Variants in ALK observed in about 807,000 individuals in gnomAD.
The protein encoded by ALK is ALK receptor tyrosine kinase.
ALK carries 74 observed loss-of-function variants against 163.1 expected under a neutral mutation model. That is an observed-to-expected ratio of 0.45 (90% CI 0.38 to 0.55). The LOEUF (loss-of-function observed/expected upper bound fraction) is 0.55. Ranked by LOEUF, ALK falls within the 20% of genes least tolerant of loss-of-function variation. The pLI is 0.00. For missense variants in ALK, 2,063 were observed against 2,105.3 expected (o/e 0.98, Z 0.39); for synonymous variants, 960 against 843.2 (o/e 1.14, Z -2.40).
At chr2:29,876,698 AGTGATGGTGATGGTG>A (rs1315332274) in intron 1 of ALK, among the ~76,000 whole-genome samples, 3 of 110,194 alleles carry the variant, frequency 2.7e-5, no homozygotes, top group African/African-American at 7.6e-5. Flanking sequence ...TGGTGATGGT[AGTGATGGTGATGGTG>A]GTGATGGTGA....
At chr2:29,787,818 C>A (rs114735472) in intron 1 of ALK, among the ~76,000 whole-genome samples, 1 of 152,134 alleles carries the variant, frequency 6.6e-6, no homozygotes, top group Non-Finnish European at 1.5e-5. Context: ...TACATCCCAA[C>A]CAAATGTCCC....
At chr2:29,508,733 C>CAAAAAAAAAA (rs60719550) in intron 4 of ALK, among the ~76,000 whole-genome samples, 12 of 65,494 alleles carry the variant, frequency 1.8e-4, no homozygotes, top group South Asian at 7.6e-4. Context: ...ATCTGCAACT[C>CAAAAAAAAAA]AAAAAAAAAA....
intron 1 of ALK, among the ~76,000 whole-genome samples, chr2:29,797,783 AT>A (rs535552250): frequency 1.2e-4 from 18 of 150,986 alleles, no homozygotes; most frequent in African/African-American, 2.7e-4. Context: ...ATATTTGTTG[AT>A]TTTTTTTTCA....
intron 4 of ALK, among the ~76,000 whole-genome samples, chr2:29,403,357 G>A (rs1669495717): frequency 6.6e-6 from 1 of 152,110 alleles, no homozygotes; most frequent in Non-Finnish European, 1.5e-5. Context: ...CAGAATATCA[G>A]GAAAGCATTG....
intron 1 of ALK, among the ~76,000 whole-genome samples, chr2:29,811,977 G>A (rs1003378482): frequency 5.3e-5 from 8 of 152,172 alleles, no homozygotes; most frequent in African/African-American, 9.7e-5. Flanking sequence ...CTGAAGGGGT[G>A]AAACACACAT....
chr2:29,372,785 C>T (rs1668668435), intron 5 of ALK, among the ~76,000 whole-genome samples: 2 of 152,100 alleles, frequency 1.3e-5, no homozygotes, highest in Non-Finnish European at 2.9e-5. Context: ...ATCTTTTTGG[C>T]CATTTCACTC....
chr2:29,438,798 C>T lies in ALK; in HGVS notation c.1155-54939G>A, dbSNP rs188294926. ...GGCTGTCTTGCTGGGGTGCTGAGAG[C>T]AAACCTGTCCTCAGGGCCATGAGGG... On this transcript the variant is annotated intron_variant, in intron 4 of 28. Coordinates refer to ENST00000389048, the MANE Select transcript of ALK (RefSeq NM_004304.5). Among the ~76,000 whole-genome samples, 7 of 152,290 alleles carry T rather than the reference C, an allele frequency of 4.6e-5. No individual in the cohort carries two copies. The East Asian group carries it at 1.2e-3, about 25-fold the overall frequency.
At chr2:29,245,595 G>A (rs1430206080) in intron 12 of ALK, among the ~76,000 whole-genome samples, 6 of 135,916 alleles carry the variant, frequency 4.4e-5, no homozygotes, top group Admixed American at 7.4e-5. Context: ...AGGGCTCCAT[G>A]GCTCAGTGCC....
chr2:29,260,590 A>G (rs1400773124), intron 11 of ALK, among the ~76,000 whole-genome samples: 1 of 152,124 alleles, frequency 6.6e-6, no homozygotes, highest in Non-Finnish European at 1.5e-5. Flanking sequence ...TAATCCCAGC[A>G]CTTTGGGAGG....
At chr2:29,725,378 C>G (rs1204092534) in intron 1 of ALK, among the ~76,000 whole-genome samples, 1 of 152,122 alleles carries the variant, frequency 6.6e-6, no homozygotes, top group Non-Finnish European at 1.5e-5. Flanking sequence ...TTTCCTAAAT[C>G]CTACCCCTTC....
chr2:29,806,258 T>C (rs1055546349), intron 1 of ALK, among the ~76,000 whole-genome samples: 1 of 152,194 alleles, frequency 6.6e-6, no homozygotes, highest in Non-Finnish European at 1.5e-5. Context: ...GCATTGGGTC[T>C]GTAATTGCTG....
intron 3 of ALK, among the ~76,000 whole-genome samples, chr2:29,653,962 G>T (rs1677105825): frequency 6.6e-6 from 1 of 152,138 alleles, no homozygotes; most frequent in African/African-American, 2.4e-5. Flanking sequence ...AGGAGGCTGA[G>T]GCATGAGAAT....
In ALK at chr2:29,197,671, A is replaced by C. The variant is rs2148143663; in HGVS notation, c.3944T>G (p.Phe1315Cys). The C allele has an allele frequency of 3.1e-6, 5 of 1,613,738 alleles. No homozygotes were observed. The highest frequency in any genetic ancestry group is 4.2e-6 in the Non-Finnish European group (5 of 1,179,842). The change falls in exon 27 of 29, where the codon TTT becomes TGT. Residue 1315 changes from phenylalanine to cysteine, a missense_variant. Physicochemically the swap from Phe to Cys is radical, Grantham distance 205. Transcript: ENST00000389048. ...IFTSKTDTWS[F>C]GVLLWEIFSL... The stretch of plus-strand genomic sequence containing the variant: ...AAAGATTTCCCATAGCAGCACTCCA[A>C]AGGACCTGGGCATGGGACAGAGGAC...
rs138466350 is a variant in ALK, at chr2:29,827,695, C to A, written c.667+92298G>T. Among the ~76,000 whole-genome samples, 181 of 152,210 alleles carry A rather than the reference C, an allele frequency of 1.2e-3. 1 individual carries two copies. Among genetic ancestry groups the A allele is most frequent in the African/African-American group, 4.2e-3 (173 of 41,530 alleles). ...TGAAAGATGAAGATGGAACATTCCA[C>A]GCTCATGGGTAGGAAGAATCAATAT... On this transcript the variant is annotated intron_variant, in intron 1 of 28. Transcript: ENST00000389048.
chr2:29,799,749 A>T (rs912474790), intron 1 of ALK, among the ~76,000 whole-genome samples: 1 of 152,228 alleles, frequency 6.6e-6, no homozygotes, highest in African/African-American at 2.4e-5. Flanking sequence ...GACAAACAAA[A>T]ATAACAGAAA....
chr2:29,335,975 G>T (rs1034878126), intron 5 of ALK, among the ~76,000 whole-genome samples: 2 of 152,158 alleles, frequency 1.3e-5, no homozygotes, highest in South Asian at 2.1e-4. Flanking sequence ...GGGAGGCGGA[G>T]GTTGCAGTGA....
intron 1 of ALK, among the ~76,000 whole-genome samples, chr2:29,798,630 C>T (rs1051909507): frequency 1.5e-4 from 23 of 152,202 alleles, no homozygotes; most frequent in African/African-American, 5.5e-4. Context: ...CAGTCTTTGG[C>T]CACATTCTAT....
chr2:29,669,433 T>C (rs983289270), intron 3 of ALK, among the ~76,000 whole-genome samples: 2 of 152,138 alleles, frequency 1.3e-5, no homozygotes, highest in Non-Finnish European at 2.9e-5. Flanking sequence ...CTTTTTTGGA[T>C]TCCAGTTGCA....
chr2:29,697,874 C>T (rs372495678), intron 2 of ALK, among the ~76,000 whole-genome samples: 3 of 152,178 alleles, frequency 2.0e-5, no homozygotes, highest in East Asian at 1.9e-4. Context: ...GGCAGGCAGC[C>T]GGCCACTGGA....
Sources: allele counts gnomAD v4.1 joint callset (sites outside exome capture counted in the v4.1 genomes callset), GRCh38; gene constraint gnomAD v4.1.1; transcripts MANE v1.5; gene names NCBI Gene and HGNC (gene_info 2026-07-23, HGNC 2026-07-21).